CDH12: variants seen among roughly 807,000 people sequenced by gnomAD.
CDH12 encodes cadherin 12.
CDH12 carries 41 observed loss-of-function variants against 74.1 expected under a neutral mutation model. The ratio of observed to expected loss-of-function variants is 0.55; its 90% confidence interval spans 0.43 to 0.72. CDH12 has a LOEUF of 0.72. Among genes scored for constraint, CDH12 ranks in the 30% least tolerant of loss-of-function variants. The pLI, the probability that CDH12 is intolerant of heterozygous loss-of-function variation, is 0.00. For synonymous variants in CDH12, 399 were observed against 355.0 expected (o/e 1.12, Z -1.39); for missense variants, 945 against 977.2 (o/e 0.97, Z 0.44).
chr5:22,845,156 C>T (rs181955518), intron 1 of CDH12, among the ~76,000 whole-genome samples: 91 of 152,142 alleles, frequency 6.0e-4, no homozygotes, highest in Middle Eastern at 3.4e-3. Context: ...CCTTAAGTTG[C>T]AAAAACTTGT....
chr5:21,879,553 AT>A (rs1752131963), intron 6 of CDH12, among the ~76,000 whole-genome samples: 1 of 152,230 alleles, frequency 6.6e-6, no homozygotes. Flanking sequence ...CTCTTAATCA[AT>A]TAAGTTATTA....
At chr5:22,631,513 C>G (rs1738583904) in intron 1 of CDH12, among the ~76,000 whole-genome samples, 1 of 152,096 alleles carries the variant, frequency 6.6e-6, no homozygotes, top group Admixed American at 6.6e-5. Flanking sequence ...AGGCCATTAT[C>G]TTAAGTGAAC....
chr5:22,416,914 A>C, intron 2 of CDH12, among the ~76,000 whole-genome samples: 1 of 152,296 alleles, frequency 6.6e-6, no homozygotes, highest in Admixed American at 6.5e-5. Flanking sequence ...AATTTAAGAT[A>C]TTTTTTAATG....
At chr5:21,794,176 G>A (rs1314589410) in intron 10 of CDH12, among the ~76,000 whole-genome samples, 15 of 151,540 alleles carry the variant, frequency 9.9e-5, no homozygotes. Context: ...ACACCTGGGT[G>A]TTCTGGCATG....
rs200702613 is a variant in CDH12, at chr5:22,096,072, A to AC, written c.-186-17211dup. ...TCTGTGTCTCTACCCTGCTCTTTAA[A>AC]CTTGCCTCCTTCACTATGGGCAACC... On this transcript the variant is annotated intron_variant, in intron 4 of 14. Transcript: ENST00000382254. 6.6e-3 allele frequency among the ~76,000 whole-genome samples: 1,005 copies of AC among 151,654 alleles called. 6 individuals carry two copies. The highest frequency in any genetic ancestry group is 0.023 in the African/African-American group (959 of 41,300).
chr5:22,848,121 A>G (rs1737389798), intron 1 of CDH12, among the ~76,000 whole-genome samples: 5 of 151,954 alleles, frequency 3.3e-5, no homozygotes, highest in Admixed American at 2.6e-4. Context: ...AATACTACAA[A>G]TTTCCCTTCA....
rs370643157 is a variant in CDH12, at chr5:22,518,879, G to A, written c.-522-13515C>T. On this transcript the variant is annotated intron_variant, in intron 1 of 14. Transcript: ENST00000382254. ...GAAAGTACAGGAATTGGTAGGGCCC[G>A]TTGGTATTACTGTGCAACTGTCTTC... 1.5e-4 allele frequency among the ~76,000 whole-genome samples: 23 copies of A among 152,214 alleles called. 1 individual carries two copies. Among genetic ancestry groups the A allele is most frequent in the Admixed American group, 3.9e-4 (6 of 15,290 alleles).
intron 3 of CDH12, among the ~76,000 whole-genome samples, chr5:22,283,452 A>G (rs1737006761): frequency 6.6e-6 from 1 of 151,606 alleles, no homozygotes; most frequent in Non-Finnish European, 1.5e-5. Flanking sequence ...CAAATGAGGA[A>G]ATATATTCAG....
intron 3 of CDH12, among the ~76,000 whole-genome samples, chr5:22,368,542 G>C (rs961363780): frequency 6.6e-6 from 1 of 150,492 alleles, no homozygotes; most frequent in African/African-American, 2.4e-5. Context: ...GGGCTCAAGA[G>C]ATGCTCCTGC....
intron 8 of CDH12, among the ~76,000 whole-genome samples, chr5:21,837,163 C>T (rs1213321408): frequency 1.3e-5 from 2 of 152,014 alleles, no homozygotes; most frequent in Non-Finnish European, 2.9e-5. Flanking sequence ...ATATATGCAA[C>T]TCACTTTCTG....
chr5:21,875,122 C>T (rs1174780556), intron 6 of CDH12, among the ~76,000 whole-genome samples: 1 of 152,224 alleles, frequency 6.6e-6, no homozygotes, highest in South Asian at 2.1e-4. Flanking sequence ...ACTTTTACAC[C>T]ATTGGTGGGC....
rs538514338 is a variant in CDH12, at chr5:22,044,902, G to A, written c.231+33544C>T. Among the ~76,000 whole-genome samples, 270 of 152,230 alleles carry A rather than the reference G, an allele frequency of 1.8e-3. 3 individuals are homozygous for A. The highest frequency in any genetic ancestry group is 1.5e-3 in the Non-Finnish European group (101 of 67,996). The stretch of plus-strand genomic sequence containing the variant: ...TTGTATCAGCAAGGATTTTTTGGAT[G>A]AAACTTCAAAAGCACAGGCAACAAA... On this transcript the variant is annotated intron_variant, in intron 5 of 14. Transcript: ENST00000382254.
chr5:22,134,928 T>C (rs1432977791), intron 4 of CDH12, among the ~76,000 whole-genome samples: 1 of 152,028 alleles, frequency 6.6e-6, no homozygotes, highest in Non-Finnish European at 1.5e-5. Context: ...TCCAGCCATT[T>C]ACTCATTAAG....
At chr5:22,852,539 T>A (rs1304793472) in intron 1 of CDH12, among the ~76,000 whole-genome samples, 41 of 152,124 alleles carry the variant, frequency 2.7e-4, no homozygotes. Flanking sequence ...GGCTGTACCA[T>A]GAGAGGCAGG....
intron 6 of CDH12, among the ~76,000 whole-genome samples, chr5:21,944,203 G>A (rs1386812015): frequency 6.6e-6 from 1 of 152,094 alleles, no homozygotes; most frequent in African/African-American, 2.4e-5. Context: ...AATATTTTAT[G>A]TTTTTCTTAT....
At chr5:22,761,243 T>C (rs1746211693) in intron 1 of CDH12, among the ~76,000 whole-genome samples, 1 of 152,228 alleles carries the variant, frequency 6.6e-6, no homozygotes, top group Non-Finnish European at 1.5e-5. Context: ...TGAAGAAGTA[T>C]TCTGTTTCAT....
intron 10 of CDH12, among the ~76,000 whole-genome samples, chr5:21,790,977 A>AT (rs1316266354): frequency 1.3e-5 from 2 of 151,980 alleles, no homozygotes; most frequent in Non-Finnish European, 1.5e-5. Flanking sequence ...TCTGGTATCT[A>AT]TTTTTTATCT....
chr5:22,353,777 T>C (rs1305247054), intron 3 of CDH12, among the ~76,000 whole-genome samples: 2 of 152,152 alleles, frequency 1.3e-5, no homozygotes, highest in Non-Finnish European at 2.9e-5. Context: ...TTACACTAAA[T>C]GTGTACCAAA....
intron 3 of CDH12, among the ~76,000 whole-genome samples, chr5:22,244,227 C>A (rs1195422229): frequency 6.6e-6 from 1 of 151,986 alleles, no homozygotes; most frequent in South Asian, 2.1e-4. Flanking sequence ...CAGTGGCTCA[C>A]GCCTGTAATC....
Sources: allele counts gnomAD v4.1 joint callset (sites outside exome capture counted in the v4.1 genomes callset), GRCh38; gene constraint gnomAD v4.1.1; transcripts MANE v1.5; gene names NCBI Gene and HGNC (gene_info 2026-07-23, HGNC 2026-07-21).